Variants in CAMTA1 observed in about 807,000 individuals in gnomAD.
CAMTA1 encodes the protein calmodulin-binding transcription activator 1.
CAMTA1 carries 27 observed loss-of-function variants against 170.9 expected under a neutral mutation model. That is an observed-to-expected ratio of 0.16 (90% CI 0.12 to 0.22). The LOEUF (loss-of-function observed/expected upper bound fraction) is 0.22. Among genes scored for constraint, CAMTA1 ranks in the 10% least tolerant of loss-of-function variants. The pLI is 1.00. For missense variants in CAMTA1, 1,619 were observed against 2,217.2 expected (o/e 0.73, Z 5.42); for synonymous variants, 833 against 891.5 (o/e 0.93, Z 1.17).
rs1331180990 is a variant in CAMTA1, at chr1:7,498,371, GTGTA to G, written c.510+30473_510+30476del. ...GTGTGTAGAGTGAGTGTGGATGTGTGTGTATGAGTGGATGTGTGTGAGTGAATGT... is the reference window on the plus strand; with the variant it reads ...GTGTGTAGAGTGAGTGTGGATGTGTGTGAGTGGATGTGTGTGAGTGAATGT... On this transcript the variant is annotated intron_variant, in intron 6 of 22. Transcript: ENST00000303635. 3.3e-5 allele frequency among the ~76,000 whole-genome samples: 5 copies of G among 151,410 alleles called. No individual in the cohort carries two copies. The East Asian group carries it at 9.8e-4, about 30-fold the overall frequency.
rs1185652510 is a variant in CAMTA1, at chr1:7,499,992, AGT to A, written c.510+32101_510+32102del. Among the ~76,000 whole-genome samples, 41 of 136,288 alleles carry A rather than the reference AGT, an allele frequency of 3.0e-4. 1 individual carries two copies. Among genetic ancestry groups the A allele is most frequent in the African/African-American group, 1.1e-3 (39 of 34,864 alleles). The allele number at this position is 136,288 out of a possible 152,430, so 89.4% of individuals were successfully genotyped here. A position where few individuals can be genotyped will look rare whatever the true frequency, so the allele number is the denominator to read the frequency against. ...CCTGGTGTGCGTGCATAGGTATATG[AGT>A]GTGTGTGTGCATATGTGCACATTTA... On this transcript the variant is annotated intron_variant, in intron 6 of 22. Transcript: ENST00000303635.
Position 7,300,464 on chromosome 1 carries a change from G to A in CAMTA1, c.438+50838G>A, listed in dbSNP as rs1674593045. 6.6e-6 allele frequency among the ~76,000 whole-genome samples: 1 copy of A among 152,212 alleles called. No individual in the cohort carries two copies. Among genetic ancestry groups the A allele is most frequent in the South Asian group, 2.1e-4 (1 of 4,832 alleles). On this transcript the variant is annotated intron_variant, in intron 5 of 22. Coordinates refer to ENST00000303635, the MANE Select transcript of CAMTA1 (RefSeq NM_015215.4). The surrounding 1 kb of genome is among the most constrained non-coding windows in gnomAD (Gnocchi z 4.1). Reference sequence around the variant, plus strand: ...GGCCAAGGCAGGCGGATCACCTGAGGTCAGGAGTTCGAGACCAGCCTGGCC... The same window carrying A: ...GGCCAAGGCAGGCGGATCACCTGAGATCAGGAGTTCGAGACCAGCCTGGCC...
At chr1:7,380,530 T>A (rs2087212110) in intron 5 of CAMTA1, among the ~76,000 whole-genome samples, 1 of 152,156 alleles carries the variant, frequency 6.6e-6, no homozygotes, top group South Asian at 2.1e-4. Flanking sequence ...GCCGAGATCA[T>A]GCTGTTGCAC....
intron 5 of CAMTA1, among the ~76,000 whole-genome samples, chr1:7,276,191 T>TAA (rs34532883): frequency 8.7e-5 from 11 of 126,830 alleles, no homozygotes; most frequent in East Asian, 4.7e-4. Flanking sequence ...CATTCATGAT[T>TAA]AAAAAAAAAA....
intron 5 of CAMTA1, among the ~76,000 whole-genome samples, chr1:7,337,656 G>A (rs1394314227): frequency 6.6e-6 from 1 of 151,894 alleles, no homozygotes; most frequent in Non-Finnish European, 1.5e-5. Context: ...TGTGGGCGGT[G>A]GGCCTCATCC....
chr1:7,667,177 C>T (rs12726165), intron 9 of CAMTA1, among the ~76,000 whole-genome samples: 49,888 of 151,924 alleles, frequency 0.33, 8,625 homozygotes, highest in Non-Finnish European at 0.37. Context: ...GCATGAGCCA[C>T]CACACCCGGC....
chr1:6,869,465 A>G (rs1187595169), intron 3 of CAMTA1, among the ~76,000 whole-genome samples: 1 of 152,246 alleles, frequency 6.6e-6, no homozygotes, highest in Non-Finnish European at 1.5e-5. Context: ...CGGACTCAGA[A>G]TCAGCTCTTT....
chr1:7,060,460 G>A (rs372296775), intron 3 of CAMTA1, among the ~76,000 whole-genome samples: 6 of 152,316 alleles, frequency 3.9e-5, no homozygotes, highest in African/African-American at 9.6e-5. Context: ...AAAGACTGCC[G>A]TCTCCAAATC....
rs796766815 is a variant in CAMTA1, at chr1:6,890,568, CT to C, written c.234+65371del. Among the ~76,000 whole-genome samples the C allele has an allele frequency of 4.1e-3, 582 of 141,146 alleles. 1 individual carries two copies. Among genetic ancestry groups the C allele is most frequent in the African/African-American group, 0.011 (424 of 39,180 alleles). The allele number at this position is 141,146 out of a possible 152,430, so 92.6% of individuals were successfully genotyped here. A position where few individuals can be genotyped will look rare whatever the true frequency, so the allele number is the denominator to read the frequency against. ...CCCACTTAGGCTCTTGGACAGTTTT[CT>C]TTTTTTTTTTTTGTTGAGGTGAAGT... On this transcript the variant is annotated intron_variant, in intron 3 of 22. Transcript: ENST00000303635.
chr1:6,826,926 A>G (rs1647212414), intron 3 of CAMTA1, among the ~76,000 whole-genome samples: 1 of 152,208 alleles, frequency 6.6e-6, no homozygotes, highest in South Asian at 2.1e-4. Flanking sequence ...TTCAACTTTC[A>G]CATGTTTAAT....
chr1:7,760,221 G>A (rs1356019928), intron 22 of CAMTA1, among the ~76,000 whole-genome samples: 2 of 152,264 alleles, frequency 1.3e-5, no homozygotes, highest in African/African-American at 2.4e-5. Context: ...TTTGAGAACC[G>A]GGTTTCCAAA....
intron 5 of CAMTA1, among the ~76,000 whole-genome samples, chr1:7,385,324 A>T (rs1299873903): frequency 2.0e-5 from 3 of 152,136 alleles, no homozygotes; most frequent in Non-Finnish European, 4.4e-5. Context: ...TATTAACAGG[A>T]CACTTGATTT....
At chr1:7,607,264 CTGGA>C (rs1238206446) in intron 6 of CAMTA1, among the ~76,000 whole-genome samples, 5 of 122,008 alleles carry the variant, frequency 4.1e-5, no homozygotes, top group South Asian at 2.8e-4. Flanking sequence ...GGGTGGGTAG[CTGGA>C]TGGATGGATG....
At chr1:7,624,053 C>A (rs532459543) in intron 6 of CAMTA1, among the ~76,000 whole-genome samples, 6 of 152,342 alleles carry the variant, frequency 3.9e-5, no homozygotes, top group African/African-American at 1.2e-4. Context: ...CAAATGCTTT[C>A]TTTGCAAACA....
intron 6 of CAMTA1, among the ~76,000 whole-genome samples, chr1:7,551,582 A>G (rs965480688): frequency 3.9e-5 from 6 of 152,064 alleles, no homozygotes; most frequent in African/African-American, 7.2e-5. Flanking sequence ...CCCCTCCCCT[A>G]CTGGGGACAC....
chr1:7,709,778 G>A (rs924975458), intron 11 of CAMTA1, among the ~76,000 whole-genome samples: 3 of 152,130 alleles, frequency 2.0e-5, no homozygotes, highest in Non-Finnish European at 2.9e-5. Flanking sequence ...TTGTATCTCC[G>A]GCTCTCTTAC....
At chr1:7,301,055 T>G (rs1469017776) in intron 5 of CAMTA1, among the ~76,000 whole-genome samples, 1 of 152,192 alleles carries the variant, frequency 6.6e-6, no homozygotes, top group Non-Finnish European at 1.5e-5. Context: ...TCTGAGCTTA[T>G]GCAGAAAATC....
chr1:7,751,263 A>G lies in CAMTA1; in HGVS notation c.4754A>G (p.Tyr1585Cys), dbSNP rs765858953. 1.4e-5 allele frequency: 22 copies of G among 1,611,846 alleles called. No individual in the cohort carries two copies. The highest frequency in any genetic ancestry group is 2.2e-5 in the South Asian group (2 of 90,764). ...ILIQSKFRSYYEQKKFQQSRR... is the reference protein window; with the variant it reads ...ILIQSKFRSYCEQKKFQQSRR... The stretch of plus-strand genomic sequence containing the variant: ...ATCCAGAGCAAATTCCGAAGTTACT[A>G]TGAACAAAAAAAATTCCAGCAGAGC... The change falls in exon 20 of 23, where the codon TAT (tyrosine) becomes TGT (cysteine). Residue 1585 changes from tyrosine (Y) to cysteine (C), a missense_variant. Physicochemically the swap from Tyr to Cys is radical, Grantham distance 194 (BLOSUM62 -2). Around this residue, in one of 8 missense-constraint regions of CAMTA1, gnomAD observed 128 missense variants for 213.5 expected, o/e 0.60. Coordinates refer to ENST00000303635, the MANE Select transcript of CAMTA1 (RefSeq NM_015215.4).
At chr1:6,962,727 G>A (rs114972785) in intron 3 of CAMTA1, among the ~76,000 whole-genome samples, 4 of 147,192 alleles carry the variant, frequency 2.7e-5, no homozygotes, top group Admixed American at 6.7e-5. Context: ...CTGCCCCATG[G>A]CTGGCCCCAT....
Sources: gnomAD v4.1 joint callset for allele counts (sites outside exome capture counted in the v4.1 genomes callset) on GRCh38, gnomAD v4.1.1 for gene constraint, gnomAD v4.1.1 regional missense constraint, Gnocchi (gnomAD v3.1) non-coding constraint, MANE v1.5 for transcripts, NCBI Gene and HGNC (gene_info 2026-07-23, HGNC 2026-07-21) for gene names.